Variants in AXDND1 observed in about 807,000 individuals in gnomAD.
AXDND1 encodes the protein axonemal dynein light chain domain-containing protein 1.
AXDND1 carries 110 observed loss-of-function variants against 137.5 expected under a neutral mutation model. That is an observed-to-expected ratio of 0.80 (90% CI 0.69 to 0.94). AXDND1 has a LOEUF of 0.94. Among genes scored for constraint, AXDND1 ranks in the 40% least tolerant of loss-of-function variants. AXDND1 has a pLI of 0.00. For synonymous variants in AXDND1, 414 were observed against 399.7 expected (o/e 1.04, Z -0.43); for missense variants, 1,191 against 1,169.8 (o/e 1.02, Z -0.26).
intron 21 of AXDND1, among the ~76,000 whole-genome samples, chr1:179,512,519 A>G (rs906800160): frequency 6.6e-6 from 1 of 151,990 alleles, no homozygotes; most frequent in Admixed American, 6.5e-5. Flanking sequence ...TTTGTTCTTC[A>G]TGCTTAGTCT....
chr1:179,544,684 A>AAAAAG (rs1553310370), intron 25 of AXDND1: 1 of 151,550 alleles, frequency 6.6e-6, no homozygotes, highest in Non-Finnish European at 1.5e-5. Context: ...AAAAAAAAAA[A>AAAAAG]AAAAAGAAAA....
chr1:179,540,877 G>T (rs539371307), intron 25 of AXDND1, among the ~76,000 whole-genome samples: 83 of 152,288 alleles, frequency 5.5e-4, no homozygotes, highest in African/African-American at 2.0e-3. Flanking sequence ...GTTTAGATAT[G>T]CCCTGCCCAC....
chr1:179,503,839 G>A (rs1429131494), intron 20 of AXDND1, among the ~76,000 whole-genome samples: 1 of 152,080 alleles, frequency 6.6e-6, no homozygotes, highest in Admixed American at 6.6e-5. Flanking sequence ...AGTTTGCTGA[G>A]AATTATGCAG....
At chr1:179,457,400 C>T in intron 16 of AXDND1, 1 of 378,840 alleles carries the variant, frequency 2.6e-6, no homozygotes, top group Non-Finnish European at 4.9e-6. Flanking sequence ...AAAGGCAAGA[C>T]AGTTTTAAAT....
Position 179,552,681 on chromosome 1 carries a change from A to C in AXDND1, c.3032-1831A>C, listed in dbSNP as rs371459162. 6.2e-6 allele frequency: 10 copies of C among 1,613,042 alleles called. No individual in the cohort carries two copies. The African/African-American group carries it at 1.2e-4, about 19-fold the overall frequency. On this transcript the variant is annotated intron_variant, in intron 25 of 25. Transcript: ENST00000367618. ...GCCCAGCTGGCAACCTCACATCTTT[A>C]CTGAAAAAGAAAGAATGCAGGTATG...
rs187651901 is a variant in AXDND1, at chr1:179,467,448, T to C, written c.1799-995T>C. Among the ~76,000 whole-genome samples, 230 of 152,274 alleles carry C rather than the reference T, an allele frequency of 1.5e-3. 1 individual carries two copies. The highest frequency in any genetic ancestry group is 5.0e-3 in the African/African-American group (207 of 41,556). Reference sequence around the variant, plus strand: ...GTACAAATAAAAACACAATATAGTATAATAAATATCACATAACATCTGCAT... The same window carrying C: ...GTACAAATAAAAACACAATATAGTACAATAAATATCACATAACATCTGCAT... On this transcript the variant is annotated intron_variant, in intron 16 of 25. Coordinates refer to ENST00000367618, the MANE Select transcript of AXDND1 (RefSeq NM_144696.6).
intron 16 of AXDND1, chr1:179,448,471 T>C: frequency 2.2e-6 from 1 of 464,920 alleles, no homozygotes; most frequent in East Asian, 5.4e-5. Flanking sequence ...TTCCTTATAT[T>C]CCAAATATTT....
Position 179,433,248 on chromosome 1 carries a change from C to T in AXDND1, c.1563+906C>T, listed in dbSNP as rs530796907. 5.4e-3 allele frequency among the ~76,000 whole-genome samples: 822 copies of T among 151,346 alleles called. 10 individuals carry two copies. The highest frequency in any genetic ancestry group is 0.019 in the African/African-American group (784 of 41,274). Reference sequence around the variant, plus strand: ...TTTATCATTTTTTATTGTGTCTATTCGATTCTTCTCTCTTCTTTATTAGTC... The same window carrying T: ...TTTATCATTTTTTATTGTGTCTATTTGATTCTTCTCTCTTCTTTATTAGTC... On this transcript the variant is annotated intron_variant, in intron 15 of 25. Transcript: ENST00000367618.
chr1:179,524,182 C>A (rs1299530762), intron 21 of AXDND1, among the ~76,000 whole-genome samples: 2 of 152,012 alleles, frequency 1.3e-5, no homozygotes, highest in Non-Finnish European at 2.9e-5. Context: ...CATATAATGA[C>A]TGCTTTTTCT....
chr1:179,450,589 T>C (rs1036994363), intron 16 of AXDND1: 5 of 152,230 alleles, frequency 3.3e-5, no homozygotes, highest in African/African-American at 1.2e-4. Flanking sequence ...GAGATAATTG[T>C]GTGTCTTTTG....
chr1:179,444,905 T>C, intron 15 of AXDND1, 65 bp from the exon 16 acceptor site: 1 of 1,137,528 alleles, frequency 8.8e-7, no homozygotes, highest in Non-Finnish European at 1.3e-6. Flanking sequence ...AATAAGCATC[T>C]GGTAGACTTT....
At chr1:179,543,675 C>G (rs1048352338) in intron 25 of AXDND1, 1 of 152,080 alleles carries the variant, frequency 6.6e-6, no homozygotes, top group South Asian at 2.1e-4. Context: ...AGGAGATGTT[C>G]TTTCTCTTCT....
At chr1:179,419,479 C>T (rs1357704957) in intron 12 of AXDND1, among the ~76,000 whole-genome samples, 3 of 148,356 alleles carry the variant, frequency 2.0e-5, no homozygotes, top group Admixed American at 6.8e-5. Context: ...TCAGGCGTGG[C>T]GGCGTGCGCC....
At position 179,466,813 on chromosome 1, in the gene AXDND1, T is replaced by G. The variant is rs920871837; in HGVS notation, c.1799-1630T>G. On this transcript the variant is annotated intron_variant, in intron 16 of 25. Coordinates refer to ENST00000367618, the MANE Select transcript of AXDND1 (RefSeq NM_144696.6). ...AGACTCTGGATGATACTATATTACA[T>G]AAGAAGGATTTTACTTTTTATTCTG... 4.6e-5 allele frequency among the ~76,000 whole-genome samples: 7 copies of G among 152,208 alleles called. No individual in the cohort carries two copies. In the South Asian group the frequency reaches 1.4e-3, roughly 32 times the overall value.
chr1:179,418,861 G>C (rs1275271796), intron 12 of AXDND1, among the ~76,000 whole-genome samples: 1 of 151,888 alleles, frequency 6.6e-6, no homozygotes, highest in Non-Finnish European at 1.5e-5. Flanking sequence ...CTTCTCAGAC[G>C]GGGCTGTTGC....
rs550673422 is a variant in AXDND1 at position 179,433,253 on chromosome 1, C to A, written c.1563+911C>A. 5.3e-5 allele frequency among the ~76,000 whole-genome samples: 8 copies of A among 150,962 alleles called. No individual in the cohort carries two copies. The South Asian group carries it at 1.5e-3, about 28-fold the overall frequency. Reference sequence around the variant, plus strand: ...CATTTTTTATTGTGTCTATTCGATTCTTCTCTCTTCTTTATTAGTCTAGCT... The same window carrying A: ...CATTTTTTATTGTGTCTATTCGATTATTCTCTCTTCTTTATTAGTCTAGCT... On this transcript the variant is annotated intron_variant, in intron 15 of 25. Transcript: ENST00000367618.
intron 12 of AXDND1, among the ~76,000 whole-genome samples, chr1:179,427,401 G>A (rs968844243): frequency 2.6e-5 from 4 of 151,888 alleles, no homozygotes. Flanking sequence ...GGTAATTTTT[G>A]AGGATCTACT....
At chr1:179,405,022 G>A (rs1652719509) in intron 11 of AXDND1, among the ~76,000 whole-genome samples, 1 of 151,876 alleles carries the variant, frequency 6.6e-6, no homozygotes, top group Non-Finnish European at 1.5e-5. Flanking sequence ...CATCATCTAG[G>A]TTTTAAGTCC....
rs182567583 is a variant in AXDND1 at position 179,378,341 on chromosome 1, A to G, written c.375-296A>G. Among the ~76,000 whole-genome samples, 351 of 152,304 alleles carry G rather than the reference A, an allele frequency of 2.3e-3. 4 individuals carry two copies. Among genetic ancestry groups the G allele is most frequent in the Non-Finnish European group, 3.1e-3 (212 of 68,032 alleles). On this transcript the variant is annotated intron_variant, in intron 4 of 25. Coordinates refer to ENST00000367618, the MANE Select transcript of AXDND1 (RefSeq NM_144696.6). The stretch of plus-strand genomic sequence containing the variant: ...TCCTGAGGATATGGGCAAAGATGGA[A>G]TCAAGCACCTAAGTGGAGGGAATAG...
Sources: gnomAD v4.1 joint callset for allele counts (sites outside exome capture counted in the v4.1 genomes callset) on GRCh38, gnomAD v4.1.1 for gene constraint, MANE v1.5 for transcripts, NCBI Gene and HGNC (gene_info 2026-07-23, HGNC 2026-07-21) for gene names.